Variants in LOC128125822 observed in about 807,000 individuals in gnomAD.
chr6:63,581,282 T>A, the LOC128125822 span: 1 of 152,614 alleles, frequency 6.6e-6, no homozygotes, highest in Non-Finnish European at 1.5e-5. Context: ...TTTTATTATG[T>A]AATTGATAAA....
chr6:63,580,145 G>T, the LOC128125822 span: 1 of 1,612,510 alleles, frequency 6.2e-7, no homozygotes, highest in Non-Finnish European at 8.5e-7. Flanking sequence ...AGATTCCAAC[G>T]GTCATAGAAA....
chr6:63,581,303 G>T, the LOC128125822 span: 1 of 152,470 alleles, frequency 6.6e-6, no homozygotes, highest in Non-Finnish European at 1.5e-5. Flanking sequence ...ATGGTGATGT[G>T]TATTAATGTT....
At chr6:63,578,619 A>G in the LOC128125822 span, 1 of 1,464,872 alleles carries the variant, frequency 6.8e-7, no homozygotes, top group Non-Finnish European at 9.1e-7. Flanking sequence ...TATTTAAGTC[A>G]TAAATAGACC....
At chr6:63,574,045 T>C in the LOC128125822 span, among the ~76,000 whole-genome samples, 1 of 152,162 alleles carries the variant, frequency 6.6e-6, no homozygotes, top group Non-Finnish European at 1.5e-5. Flanking sequence ...TATTAAGTTA[T>C]TTACACTACG....
the LOC128125822 span, among the ~76,000 whole-genome samples, chr6:63,575,419 T>C: frequency 6.6e-6 from 1 of 152,242 alleles, no homozygotes. Context: ...TCCATGTACA[T>C]ATTTTAAAAA....
At chr6:63,576,989 A>C in the LOC128125822 span, 1 of 1,599,546 alleles carries the variant, frequency 6.3e-7, no homozygotes. Context: ...TATAGAGGTA[A>C]GATTTGATAT....
chr6:63,576,994 T>C, the LOC128125822 span: 3 of 1,595,516 alleles, frequency 1.9e-6, no homozygotes, highest in Non-Finnish European at 2.6e-6. Context: ...AGGTAAGATT[T>C]GATATGTTTT....
At chr6:63,573,992 GT>G in the LOC128125822 span, among the ~76,000 whole-genome samples, 4 of 152,102 alleles carry the variant, frequency 2.6e-5, no homozygotes, top group Admixed American at 2.0e-4. Flanking sequence ...AATTCTGAGG[GT>G]TTTTTATCTT....
At chr6:63,581,203 G>A in the LOC128125822 span, 1 of 152,148 alleles carries the variant, frequency 6.6e-6, no homozygotes. Context: ...CTAATGAATT[G>A]AGCAGACATC....
the LOC128125822 span, chr6:63,581,864 G>A: frequency 4.6e-5 from 7 of 152,116 alleles, no homozygotes. Context: ...TTTGGTACAT[G>A]AAGGCTTAAT....
the LOC128125822 span, among the ~76,000 whole-genome samples, chr6:63,578,044 G>A: frequency 6.6e-6 from 1 of 151,862 alleles, no homozygotes; most frequent in African/African-American, 2.4e-5. Context: ...CAGATTACCC[G>A]ATTAGTTATA....
chr6:63,575,818 CAG>C, the LOC128125822 span, among the ~76,000 whole-genome samples: 20 of 151,932 alleles, frequency 1.3e-4, no homozygotes, highest in African/African-American at 4.6e-4. Flanking sequence ...GGAATGATAA[CAG>C]ATTGTTAAGG....
At chr6:63,582,649 T>C in the LOC128125822 span, 1 of 152,360 alleles carries the variant, frequency 6.6e-6, no homozygotes, top group East Asian at 1.9e-4. Context: ...ATGATGTAAA[T>C]AGAGGCTAGC....
At chr6:63,576,238 T>G in the LOC128125822 span, among the ~76,000 whole-genome samples, 1 of 152,038 alleles carries the variant, frequency 6.6e-6, no homozygotes, top group Non-Finnish European at 1.5e-5. Context: ...GTTTAATCTA[T>G]CTGACTGCTT....
the LOC128125822 span, chr6:63,572,639 C>T: frequency 4.8e-6 from 2 of 417,840 alleles, no homozygotes; most frequent in South Asian, 2.1e-4. Context: ...GCCCTGCAGC[C>T]ACCGCCACCG....
the LOC128125822 span, chr6:63,576,323 C>G: frequency 2.6e-6 from 1 of 391,748 alleles, no homozygotes; most frequent in Non-Finnish European, 4.5e-6. Context: ...TGAAGCGGCT[C>G]AGGCCCTGCT....
chr6:63,579,810 C>A, the LOC128125822 span, among the ~76,000 whole-genome samples: 1 of 152,256 alleles, frequency 6.6e-6, no homozygotes, highest in East Asian at 1.9e-4. Context: ...CGTGGACTTA[C>A]GTGTAAATGG....
chr6:63,575,365 T>G, the LOC128125822 span, among the ~76,000 whole-genome samples: 1 of 152,216 alleles, frequency 6.6e-6, no homozygotes, highest in South Asian at 2.1e-4. Context: ...CACAAGTACC[T>G]TATAAACTAT....
At chr6:63,582,141 TATTTGTGATAGTAATCACAA>T in the LOC128125822 span, 1 of 152,092 alleles carries the variant, frequency 6.6e-6, no homozygotes, top group Non-Finnish European at 1.5e-5. Context: ...AATCTTGGAT[TATTTGTGATAGTAATCACAA>T]ATTTTTGGCT....
Sources: gnomAD v4.1 joint callset for allele counts (sites outside exome capture counted in the v4.1 genomes callset) on GRCh38, gnomAD v4.1.1 for gene constraint, MANE v1.5 for transcripts.